BPIFB4: variants seen among roughly 807,000 people sequenced by gnomAD.
BPIFB4 encodes the protein BPI fold containing family B member 4.
A neutral mutation model predicts 69.2 loss-of-function variants in BPIFB4; 62 were observed. That is an observed-to-expected ratio of 0.90 (90% CI 0.73 to 1.11). The LOEUF (loss-of-function observed/expected upper bound fraction) is 1.11. Among genes scored for constraint, BPIFB4 ranks in the 50% least tolerant of loss-of-function variants. The pLI is 0.00. For synonymous variants in BPIFB4, 330 were observed against 332.7 expected, an observed-to-expected ratio of 0.99 and a Z score of 0.09; for missense variants, 789 against 792.0, an observed-to-expected ratio of 1.00 and a Z score of 0.04.
At chr20:33,100,690 A>G (rs911877289) in intron 14 of BPIFB4, among the ~76,000 whole-genome samples, 197 bp downstream of exon 14, 2 of 152,246 alleles carry the variant, frequency 1.3e-5, no homozygotes, top group African/African-American at 4.8e-5. Flanking sequence ...GAACTTAGAA[A>G]GAAACTACTG....
chr20:33,089,579 C>G (rs1284905756), intron 9 of BPIFB4, 21 bp downstream of exon 9: 15 of 1,614,084 alleles, frequency 9.3e-6, no homozygotes, highest in African/African-American at 1.3e-5. Flanking sequence ...TACACTTTCT[C>G]CAGCCTGGGG....
At position 33,086,165 on chromosome 20, in the gene BPIFB4, G is replaced by T; in HGVS notation, c.926+1G>T. 6.2e-7 allele frequency: 1 copy of T among 1,604,836 alleles called. No homozygotes were observed. The highest frequency in any genetic ancestry group is 8.5e-7 in the Non-Finnish European group (1 of 1,172,370). On this transcript the variant is annotated splice_donor_variant, in intron 7 of 17. Coordinates refer to ENST00000375483, the MANE Select transcript of BPIFB4 (RefSeq NM_182519.3). LOFTEE classifies it high-confidence loss of function. ...GCATCAAAGTCAAGCTGCTGCGAGGGTGAGTGCTAGCCGGCAGTGGAGTGC... is the reference window on the plus strand; with the variant it reads ...GCATCAAAGTCAAGCTGCTGCGAGGTTGAGTGCTAGCCGGCAGTGGAGTGC...
chr20:33,090,854 G>A, intron 10 of BPIFB4, 55 bp downstream of exon 10: 4 of 1,602,322 alleles, frequency 2.5e-6, no homozygotes, highest in Non-Finnish European at 3.4e-6. Context: ...AAAGGCAGGA[G>A]TATCAGTGAG....
chr20:33,103,037 A>G (rs769566293), intron 15 of BPIFB4, 23 bp downstream of exon 15: 1 of 1,611,234 alleles, frequency 6.2e-7, no homozygotes, highest in South Asian at 1.1e-5. Flanking sequence ...TTTAGTTCCC[A>G]GGGCAAGATC....
At chr20:33,093,824 C>T (rs924250738) in intron 11 of BPIFB4, among the ~76,000 whole-genome samples, 5 of 147,976 alleles carry the variant, frequency 3.4e-5, no homozygotes, top group Non-Finnish European at 7.5e-5. Context: ...TTTATGCATT[C>T]CTTCACAATT....
chr20:33,081,141 TG>T (rs1380879354), intron 2 of BPIFB4, among the ~76,000 whole-genome samples: 2 of 152,138 alleles, frequency 1.3e-5, no homozygotes, highest in African/African-American at 2.4e-5. Context: ...GATGAGTAGA[TG>T]GGTAGATGCT....
At chr20:33,088,022 A>C (rs1348461074) in intron 7 of BPIFB4, among the ~76,000 whole-genome samples, 1 of 152,122 alleles carries the variant, frequency 6.6e-6, no homozygotes, top group Non-Finnish European at 1.5e-5. Flanking sequence ...AGTTCTCAAG[A>C]GGTCCGGCGG....
At chr20:33,091,823 A>G (rs1981608504) in intron 10 of BPIFB4, among the ~76,000 whole-genome samples, 3 of 152,254 alleles carry the variant, frequency 2.0e-5, no homozygotes, top group Non-Finnish European at 4.4e-5. Flanking sequence ...ATTCTAAGTC[A>G]TGAGCACGGT....
Position 33,102,937 on chromosome 20 carries a change from C to A in BPIFB4, c.1638-35C>A, listed in dbSNP as rs201946362. On this transcript the variant is annotated intron_variant, in intron 14 of 17. Coordinates refer to ENST00000375483, the MANE Select transcript of BPIFB4 (RefSeq NM_182519.3). ...AAGAGCCTTATGATTTTCAGGCAAT[C>A]CCTGCTTCTCACAGGCTGTTTTCTT... The A allele has an allele frequency of 9.6e-5, 154 of 1,610,270 alleles. 2 individuals are homozygous for A. The highest frequency in any genetic ancestry group is 3.4e-4 in the South Asian group (31 of 90,998).
intron 14 of BPIFB4, among the ~76,000 whole-genome samples, 158 bp downstream of exon 14, chr20:33,100,651 C>T (rs1981884406): frequency 6.6e-6 from 1 of 152,204 alleles, no homozygotes; most frequent in South Asian, 2.1e-4. Flanking sequence ...TTACCACTGT[C>T]ACAAGCCAGG....
chr20:33,108,390 A>AT (rs1365995349), intron 17 of BPIFB4, among the ~76,000 whole-genome samples: 171 of 113,146 alleles, frequency 1.5e-3, no homozygotes, highest in African/African-American at 6.1e-3. Flanking sequence ...TATGGAAAAG[A>AT]TTAAAAAAAA....
Position 33,092,669 on chromosome 20 carries a change from G to A in BPIFB4, c.1344+11G>A, listed in dbSNP as rs767865203. 38 of 1,601,636 alleles carry A rather than the reference G, an allele frequency of 2.4e-5. No homozygotes were observed. In the South Asian group the frequency reaches 4.0e-4, roughly 17 times the overall value. ...ATCACCAATGGCATGGTGAGTCACA[G>A]CCCCACCAGGGGGAGGTGGCTGGGC... is the stretch of plus-strand genomic sequence containing the variant. On this transcript the variant is annotated intron_variant, in intron 11 of 17. Coordinates refer to ENST00000375483, the MANE Select transcript of BPIFB4 (RefSeq NM_182519.3).
intron 2 of BPIFB4, among the ~76,000 whole-genome samples, chr20:33,080,973 G>A (rs970297823): frequency 6.6e-6 from 1 of 152,184 alleles, no homozygotes; most frequent in Non-Finnish European, 1.5e-5. Flanking sequence ...ATGGTTGGTT[G>A]GATGGATAGA....
chr20:33,091,399 T>C (rs920906137), intron 10 of BPIFB4, among the ~76,000 whole-genome samples: 4 of 152,220 alleles, frequency 2.6e-5, no homozygotes, highest in Non-Finnish European at 5.9e-5. Context: ...AATCTGACCA[T>C]GTGAGGTGGT....
intron 10 of BPIFB4, 32 bp downstream of exon 10, chr20:33,090,831 TG>T: frequency 1.2e-6 from 2 of 1,612,630 alleles, no homozygotes; most frequent in Non-Finnish European, 8.5e-7. Context: ...CAAAGGGTGG[TG>T]GCCCTCCTCC....
In BPIFB4 at chr20:33,083,330, C is replaced by T. The variant is rs751103347; in HGVS notation, c.170-37C>T. On this transcript the variant is annotated intron_variant, in intron 4 of 17. Transcript: ENST00000375483. ...TGGTCTTTTGGGTGGTGGCCGACAC[C>T]ATTACAATGACTACAGACGCATTGA... is the stretch of plus-strand genomic sequence containing the variant. The T allele has an allele frequency of 1.2e-5, 19 of 1,589,452 alleles. No homozygotes were observed. The South Asian group carries it at 2.2e-4, about 18-fold the overall frequency.
chr20:33,083,092 G>A, intron 4 of BPIFB4, 92 bp downstream of exon 4: 2 of 1,196,098 alleles, frequency 1.7e-6, no homozygotes, highest in African/African-American at 1.6e-5. Context: ...GTCTCCTGGG[G>A]GGCCTGCTTG....
At chr20:33,110,368 C>T (rs1244321406) in intron 17 of BPIFB4, among the ~76,000 whole-genome samples, 1 of 152,204 alleles carries the variant, frequency 6.6e-6, no homozygotes, top group African/African-American at 2.4e-5. Context: ...GACGCAGTCC[C>T]CAGTGCATCC....
In BPIFB4 at chr20:33,081,535, G is replaced by A; in HGVS notation, c.9G>A (p.Met3Ile). MW[M>I]AWCVAALSVV... Reference sequence around the variant, plus strand: ...AGGGAAGCAGTGCCAGCATGTGGATGGCCTGGTGTGTGGCTGCGCTGTCTG... The same window carrying A: ...AGGGAAGCAGTGCCAGCATGTGGATAGCCTGGTGTGTGGCTGCGCTGTCTG... Residue 3 changes from methionine (M) to isoleucine (I), a missense_variant, in exon 3 of 18, where the codon ATG becomes ATA. Coordinates refer to ENST00000375483, the MANE Select transcript of BPIFB4 (RefSeq NM_182519.3). 1 of 1,551,696 alleles carries A rather than the reference G, an allele frequency of 6.4e-7. No homozygotes were observed. The highest frequency in any genetic ancestry group is 8.7e-7 in the Non-Finnish European group (1 of 1,147,014).
Sources: gnomAD v4.1 joint callset for allele counts (sites outside exome capture counted in the v4.1 genomes callset) on GRCh38, gnomAD v4.1.1 for gene constraint, MANE v1.5 for transcripts, NCBI Gene and HGNC (gene_info 2026-07-23, HGNC 2026-07-21) for gene names.